Variants in MAGI3 observed in about 807,000 individuals in gnomAD.
MAGI3 encodes the protein membrane associated guanylate kinase, WW and PDZ domain containing 3, also known as membrane-associated guanylate kinase, WW and PDZ domain-containing protein 3.
Under a neutral mutation model 121.8 loss-of-function variants are expected in MAGI3, and 43 were observed. The observed-to-expected ratio is 0.35, with a 90% confidence interval of 0.28 to 0.46. MAGI3 has a LOEUF of 0.46. Among genes scored for constraint, MAGI3 ranks in the 20% least tolerant of loss-of-function variants. The probability of loss-of-function intolerance (pLI) is 1.00; values close to 1 mark genes in which losing one functional copy is unlikely to be tolerated. For synonymous variants in MAGI3, 553 were observed against 639.3 expected, an observed-to-expected ratio of 0.86 and a Z score of 2.04; for missense variants, 1,547 against 1,797.3, an observed-to-expected ratio of 0.86 and a Z score of 2.52.
chr1:113,673,192 C>T (rs1328025011), intron 18 of MAGI3, 130 bp from the exon 19 acceptor site: 7 of 1,117,636 alleles, frequency 6.3e-6, no homozygotes, highest in African/African-American at 4.9e-5. Flanking sequence ...AACCTACATT[C>T]CTTCTTTACA....
chr1:113,416,053 G>T (rs367592230), intron 1 of MAGI3, among the ~76,000 whole-genome samples: 1,752 of 126,278 alleles, frequency 0.014, 53 homozygotes, highest in African/African-American at 0.047. Context: ...TGTAATTAAT[G>T]ACACATATTA....
At chr1:113,562,276 G>A (rs530817337) in intron 2 of MAGI3, among the ~76,000 whole-genome samples, 11 of 152,272 alleles carry the variant, frequency 7.2e-5, no homozygotes, top group African/African-American at 2.4e-4. Flanking sequence ...GGTGGCGGGC[G>A]CCAATAGTCC....
At chr1:113,618,053 T>A (rs906887715) in intron 7 of MAGI3, among the ~76,000 whole-genome samples, 5 of 152,218 alleles carry the variant, frequency 3.3e-5, no homozygotes, top group African/African-American at 4.8e-5. Flanking sequence ...AAGTGTTTTT[T>A]TAATTTTTAA....
At chr1:113,591,098 A>G (rs1648665498) in intron 5 of MAGI3, among the ~76,000 whole-genome samples, 2 of 152,128 alleles carry the variant, frequency 1.3e-5, no homozygotes, top group African/African-American at 2.4e-5. Context: ...ATATAGTTGA[A>G]TGATGTAGGA....
intron 5 of MAGI3, among the ~76,000 whole-genome samples, chr1:113,591,603 C>G (rs1008855682): frequency 5.3e-5 from 8 of 152,088 alleles, no homozygotes; most frequent in African/African-American, 1.9e-4. Flanking sequence ...GTTCTTTTTA[C>G]TATAGATTGC....
At chr1:113,482,893 C>A (rs916592310) in intron 1 of MAGI3, among the ~76,000 whole-genome samples, 2 of 151,796 alleles carry the variant, frequency 1.3e-5, no homozygotes, top group Non-Finnish European at 2.9e-5. Context: ...GCAGCCTCAA[C>A]CTCCTGGGCT....
In MAGI3 at chr1:113,577,372, T is replaced by C. The variant is rs900715322; in HGVS notation, c.434-3170T>C. ...GGTTGGGGAAAAGATCTTATTTGAA[T>C]AGGCTCAGGAGACAGTGAGAGGAGA... On this transcript the variant is annotated intron_variant, in intron 2 of 20. Coordinates refer to ENST00000307546, the MANE Select transcript of MAGI3 (RefSeq NM_001142782.2). 1.4e-4 allele frequency among the ~76,000 whole-genome samples: 21 copies of C among 152,062 alleles called. 1 individual carries two copies. Among genetic ancestry groups the C allele is most frequent in the Non-Finnish European group, 1.0e-4 (7 of 68,014 alleles).
chr1:113,424,245 C>A (rs1213146851), intron 1 of MAGI3, among the ~76,000 whole-genome samples: 2 of 140,708 alleles, frequency 1.4e-5, no homozygotes, highest in South Asian at 2.3e-4. Flanking sequence ...TCGCAGTGAC[C>A]ACTCCACATG....
intron 11 of MAGI3, 127 bp downstream of exon 11, chr1:113,643,901 T>C: frequency 1.0e-6 from 1 of 976,288 alleles, no homozygotes. Context: ...CATGCTGCCC[T>C]TGGCTTGTAT....
At chr1:113,509,970 G>A (rs920027584) in intron 1 of MAGI3, among the ~76,000 whole-genome samples, 2 of 151,928 alleles carry the variant, frequency 1.3e-5, no homozygotes, top group African/African-American at 4.8e-5. Flanking sequence ...GAGCATCAGA[G>A]CATCCGTCTC....
intron 18 of MAGI3, among the ~76,000 whole-genome samples, chr1:113,672,988 G>A (rs1441343650): frequency 6.6e-6 from 1 of 152,194 alleles, no homozygotes; most frequent in Non-Finnish European, 1.5e-5. Context: ...TAGTATTTTA[G>A]ATAATCAAAT....
Position 113,391,147 on chromosome 1 carries a change from G to A in MAGI3, c.114G>A (p.Glu38=). 1 of 1,562,088 alleles carries A rather than the reference G, an allele frequency of 6.4e-7. No individual in the cohort carries two copies. Among genetic ancestry groups the A allele is most frequent in the Non-Finnish European group, 8.7e-7 (1 of 1,153,718 alleles). Reference sequence around the variant, plus strand: ...GCGCGGAGATCCGCGGTGGCGCGGAGCGTGGCGAGTTCCCCTACCTGGGGC... The same window carrying A: ...GCGCGGAGATCCGCGGTGGCGCGGAACGTGGCGAGTTCCCCTACCTGGGGC... ...DFGAEIRGGA[E]RGEFPYLGRL... is the part of the protein sequence containing the mutation. Residue 38 remains glutamate (E), a synonymous_variant, in exon 1 of 21, where the codon GAG becomes GAA. Transcript: ENST00000307546. The surrounding 1 kb of genome is among the most constrained non-coding windows in gnomAD (Gnocchi z 4.4).
intron 19 of MAGI3, among the ~76,000 whole-genome samples, chr1:113,673,884 C>T (rs1008644254): frequency 1.3e-5 from 2 of 152,064 alleles, no homozygotes; most frequent in South Asian, 2.1e-4. Flanking sequence ...TCTTAGCTAC[C>T]GGGAGAGGTA....
At chr1:113,530,848 C>T (rs554014174) in intron 1 of MAGI3, among the ~76,000 whole-genome samples, 84 of 152,056 alleles carry the variant, frequency 5.5e-4, no homozygotes, top group South Asian at 6.2e-4. Flanking sequence ...CCTAGGGGGT[C>T]GAGGCTGCCG....
intron 20 of MAGI3, 116 bp downstream of exon 20, chr1:113,681,452 G>A (rs1299164540): frequency 7.1e-6 from 8 of 1,127,724 alleles, no homozygotes; most frequent in Non-Finnish European, 7.3e-6. Flanking sequence ...AGAGGTGAAT[G>A]CTAGAACCAT....
At chr1:113,628,459 C>T (rs1651381943) in intron 9 of MAGI3, among the ~76,000 whole-genome samples, 1 of 152,132 alleles carries the variant, frequency 6.6e-6, no homozygotes, top group African/African-American at 2.4e-5. Flanking sequence ...ATGTTACCCA[C>T]CACAATTACA....
chr1:113,672,816 C>A, intron 18 of MAGI3, 75 bp downstream of exon 18: 2 of 1,494,778 alleles, frequency 1.3e-6, no homozygotes, highest in South Asian at 2.6e-5. Context: ...ATTTTTATTG[C>A]AAATCAGTTC....
In MAGI3 at chr1:113,642,204, G is replaced by A; in HGVS notation, c.1654G>A (p.Gly552Ser). ...ATCGGGACACACTTTGACTGGTGAT[G>A]GTCTCAATGGACCATCAGATGCAAG... The part of the protein sequence containing the change: ...GKSGHTLTGD[G>S]LNGPSDASEQ... The change falls in exon 10 of 21, where the codon GGT (glycine) becomes AGT (serine). Residue 552 changes from glycine to serine, a missense_variant. Gly to Ser is a moderately conservative substitution (Grantham distance 56). Transcript: ENST00000307546. 1 of 1,614,154 alleles carries A rather than the reference G, an allele frequency of 6.2e-7. No individual in the cohort carries two copies. The highest frequency in any genetic ancestry group is 8.5e-7 in the Non-Finnish European group (1 of 1,180,020).
At chr1:113,411,049 CT>C (rs1190695154) in intron 1 of MAGI3, among the ~76,000 whole-genome samples, 1 of 152,112 alleles carries the variant, frequency 6.6e-6, no homozygotes, top group Non-Finnish European at 1.5e-5. Flanking sequence ...AGAACAAGAA[CT>C]GTTGATATTT....
Sources: gnomAD v4.1 joint callset for allele counts (sites outside exome capture counted in the v4.1 genomes callset) on GRCh38, gnomAD v4.1.1 for gene constraint, Gnocchi (gnomAD v3.1) non-coding constraint, MANE v1.5 for transcripts, NCBI Gene and HGNC (gene_info 2026-07-23, HGNC 2026-07-21) for gene names.